Variants in ALDH1A2 observed in about 807,000 individuals in gnomAD.
ALDH1A2 encodes aldehyde dehydrogenase 1 family member A2, also known as retinal dehydrogenase 2.
ALDH1A2 carries 27 observed loss-of-function variants against 60.3 expected under a neutral mutation model. The observed-to-expected ratio is 0.45, with a 90% confidence interval of 0.33 to 0.62. The LOEUF (loss-of-function observed/expected upper bound fraction) is 0.62, where lower values mean the gene tolerates loss of function less well. Among genes scored for constraint, ALDH1A2 ranks in the 20% least tolerant of loss-of-function variants. The probability of loss-of-function intolerance (pLI) is 0.02; values close to 1 mark genes in which losing one functional copy is unlikely to be tolerated. For missense variants in ALDH1A2, 581 were observed against 643.8 expected, an observed-to-expected ratio of 0.90 and a Z score of 1.06; for synonymous variants, 289 against 232.4, an observed-to-expected ratio of 1.24 and a Z score of -2.21.
intron 7 of ALDH1A2, among the ~76,000 whole-genome samples, chr15:57,986,438 G>A (rs1333279692): frequency 1.3e-5 from 2 of 151,594 alleles, no homozygotes; most frequent in African/African-American, 4.8e-5. Flanking sequence ...GAGACAAGCT[G>A]AACCTCAAGT....
intron 4 of ALDH1A2, among the ~76,000 whole-genome samples, chr15:58,007,122 T>C (rs1028412451): frequency 1.3e-5 from 2 of 151,910 alleles, no homozygotes; most frequent in Admixed American, 1.3e-4. Context: ...CAACAATATA[T>C]ATTAAACAAA....
intron 1 of ALDH1A2, among the ~76,000 whole-genome samples, chr15:58,033,404 T>C (rs1257450097): frequency 1.3e-5 from 2 of 152,000 alleles, no homozygotes; most frequent in African/African-American, 2.4e-5. Flanking sequence ...CATTTTATAA[T>C]GCAGTTACTG....
At chr15:57,989,192 CATTAAATGCTAGAAGTTA>C (rs1436545161) in intron 7 of ALDH1A2, among the ~76,000 whole-genome samples, 11 of 152,196 alleles carry the variant, frequency 7.2e-5, no homozygotes, top group Non-Finnish European at 1.6e-4. Flanking sequence ...TGGAAGAAAA[CATTAAATGCTAGAAGTTA>C]ATTTATCAAG....
At chr15:58,035,312 G>T (rs1380640264) in intron 1 of ALDH1A2, among the ~76,000 whole-genome samples, 4 of 151,438 alleles carry the variant, frequency 2.6e-5, no homozygotes, top group Non-Finnish European at 4.4e-5. Context: ...TTTCATTTCT[G>T]ATATTAGTAA....
At chr15:58,017,287 T>C (rs1344269945) in intron 1 of ALDH1A2, among the ~76,000 whole-genome samples, 2 of 152,194 alleles carry the variant, frequency 1.3e-5, no homozygotes, top group African/African-American at 4.8e-5. Context: ...ATAGTATTTG[T>C]TGATAAAATT....
chr15:57,974,301 C>T (rs1480618035), intron 7 of ALDH1A2, among the ~76,000 whole-genome samples: 28 of 151,690 alleles, frequency 1.8e-4, no homozygotes, highest in Admixed American at 1.6e-3. Context: ...GGCAAGGTGG[C>T]GGGCGCCTGT....
At chr15:58,029,578 TC>T (rs1896175437) in intron 1 of ALDH1A2, among the ~76,000 whole-genome samples, 1 of 76,372 alleles carries the variant, frequency 1.3e-5, no homozygotes, top group South Asian at 3.5e-4. Flanking sequence ...GACATAAAAA[TC>T]CCCTAAAAAA....
intron 4 of ALDH1A2, among the ~76,000 whole-genome samples, chr15:58,007,617 A>C (rs1895501985): frequency 6.6e-6 from 1 of 152,118 alleles, no homozygotes; most frequent in Non-Finnish European, 1.5e-5. Flanking sequence ...ACACAGAATC[A>C]CATAGATATT....
chr15:58,006,547 G>T (rs1398047330), intron 4 of ALDH1A2, among the ~76,000 whole-genome samples: 3 of 151,852 alleles, frequency 2.0e-5, no homozygotes, highest in African/African-American at 4.8e-5. Flanking sequence ...TGGGATTGCT[G>T]GACCAAATGG....
chr15:58,026,316 TG>T (rs1210548711), intron 1 of ALDH1A2, among the ~76,000 whole-genome samples: 2 of 152,130 alleles, frequency 1.3e-5, no homozygotes, highest in Non-Finnish European at 2.9e-5. Flanking sequence ...ATCTACAGAA[TG>T]AAGGACCAAA....
intron 1 of ALDH1A2, among the ~76,000 whole-genome samples, chr15:58,055,655 A>T (rs1896877166): frequency 6.6e-6 from 1 of 152,074 alleles, no homozygotes; most frequent in South Asian, 2.1e-4. Context: ...AAGGTTGGAG[A>T]ATTTCACACT....
At chr15:58,025,113 T>C (rs927052762) in intron 1 of ALDH1A2, among the ~76,000 whole-genome samples, 2 of 152,052 alleles carry the variant, frequency 1.3e-5, no homozygotes, top group African/African-American at 2.4e-5. Context: ...TCTTTATCAA[T>C]GTACCTTGAG....
Position 58,017,033 on chromosome 15 carries a change from T to G in ALDH1A2, c.118-2752A>C, listed in dbSNP as rs7180289. Among the ~76,000 whole-genome samples the G allele has an allele frequency of 2.4e-3, 365 of 152,282 alleles. 2 individuals are homozygous for G. The highest frequency in any genetic ancestry group is 8.5e-3 in the African/African-American group (352 of 41,560). On this transcript the variant is annotated intron_variant, in intron 1 of 12. Transcript: ENST00000249750. The stretch of plus-strand genomic sequence containing the variant: ...GAAAATGAAGGCAGAGACAGAGCAC[T>G]TGAGATTCTAATGATGAGGTAAAAC...
At chr15:57,959,457 G>T (rs1372188420) in intron 12 of ALDH1A2, among the ~76,000 whole-genome samples, 2 of 152,198 alleles carry the variant, frequency 1.3e-5, no homozygotes, top group African/African-American at 4.8e-5. Flanking sequence ...AGAAGTTGGT[G>T]ACACCAGCTG....
intron 1 of ALDH1A2, among the ~76,000 whole-genome samples, chr15:58,057,736 C>G (rs1250973399): frequency 1.3e-5 from 2 of 152,074 alleles, no homozygotes; most frequent in Admixed American, 6.6e-5. Flanking sequence ...ACTCCACACC[C>G]AAATGGGAAT....
rs182690685 is a variant in ALDH1A2, at chr15:58,010,289, G to A, written c.493+360C>T. Among the ~76,000 whole-genome samples the A allele has an allele frequency of 3.1e-3, 464 of 152,042 alleles. 3 individuals are homozygous for A. Among genetic ancestry groups the A allele is most frequent in the African/African-American group, 0.011 (444 of 41,484 alleles). On this transcript the variant is annotated intron_variant, in intron 4 of 12. Transcript: ENST00000249750. ...CTTATATGTTTCAGGAGGGCAAGGA[G>A]CAAGTCTTAACCTCGTTGGAATTTT...
At chr15:58,036,438 T>C (rs1303495267) in intron 1 of ALDH1A2, among the ~76,000 whole-genome samples, 1 of 151,620 alleles carries the variant, frequency 6.6e-6, no homozygotes, top group Non-Finnish European at 1.5e-5. Flanking sequence ...AATAATAGTC[T>C]AAAGAAATGT....
intron 1 of ALDH1A2, among the ~76,000 whole-genome samples, chr15:58,029,196 T>G (rs1452495358): frequency 6.6e-6 from 1 of 152,136 alleles, no homozygotes; most frequent in Non-Finnish European, 1.5e-5. Flanking sequence ...ACAAACTGTC[T>G]CTCAGACCAC....
At chr15:57,960,885 C>G (rs372054788) in intron 11 of ALDH1A2, 41 bp from the exon 12 acceptor site, 1 of 1,567,052 alleles carries the variant, frequency 6.4e-7, no homozygotes, top group Non-Finnish European at 8.8e-7. Context: ...CGTGTGAAGT[C>G]TGAGCACATA....
Sources: gnomAD v4.1 joint callset for allele counts (sites outside exome capture counted in the v4.1 genomes callset) on GRCh38, gnomAD v4.1.1 for gene constraint, MANE v1.5 for transcripts, NCBI Gene and HGNC (gene_info 2026-07-23, HGNC 2026-07-21) for gene names.